HSD17B12: variants seen among roughly 807,000 people sequenced by gnomAD.
HSD17B12 encodes very-long-chain 3-oxoacyl-CoA reductase.
A neutral mutation model predicts 39.3 loss-of-function variants in HSD17B12; 32 were observed. The ratio of observed to expected loss-of-function variants is 0.81; its 90% CI spans 0.61 to 1.09. The LOEUF is 1.09. Among genes scored for constraint, HSD17B12 ranks in the 50% least tolerant of loss-of-function variants. The pLI is 0.00. For synonymous variants in HSD17B12, 150 were observed against 146.7 expected (o/e 1.02, Z -0.16); for missense variants, 342 against 382.9 (o/e 0.89, Z 0.89).
the HSD17B12 span, among the ~76,000 whole-genome samples, chr11:43,577,322 G>A: frequency 6.6e-6 from 1 of 152,310 alleles, no homozygotes; most frequent in East Asian, 1.9e-4. Flanking sequence ...TGACTTCGGT[G>A]AGAGCTTTGG....
At chr11:43,737,245 T>C (rs1390665777) in intron 1 of HSD17B12, among the ~76,000 whole-genome samples, 1 of 152,250 alleles carries the variant, frequency 6.6e-6, no homozygotes, top group African/African-American at 2.4e-5. Context: ...AGTGTTGCTC[T>C]AGTCTATTTT....
At chr11:43,700,154 A>G (rs1326913936) in intron 1 of HSD17B12, among the ~76,000 whole-genome samples, 1 of 152,188 alleles carries the variant, frequency 6.6e-6, no homozygotes, top group Non-Finnish European at 1.5e-5. Flanking sequence ...TCTACCGTGT[A>G]CTTGGCATTG....
chr11:43,576,404 A>C, the HSD17B12 span, among the ~76,000 whole-genome samples: 1 of 152,052 alleles, frequency 6.6e-6, no homozygotes, highest in Non-Finnish European at 1.5e-5. Context: ...TCAGGGTTTG[A>C]TCGTGTTCCA....
At chr11:43,743,950 CA>C (rs775948540) in intron 1 of HSD17B12, among the ~76,000 whole-genome samples, 1 of 152,062 alleles carries the variant, frequency 6.6e-6, no homozygotes, top group Non-Finnish European at 1.5e-5. Flanking sequence ...ATAATAAGAA[CA>C]AGATGCTGTT....
intron 4 of HSD17B12, among the ~76,000 whole-genome samples, chr11:43,804,348 T>G (rs1950999116): frequency 6.6e-6 from 1 of 152,210 alleles, no homozygotes; most frequent in Non-Finnish European, 1.5e-5. Flanking sequence ...ACTGGCTTAG[T>G]GCATTCAGGA....
chr11:43,601,966 T>G, the HSD17B12 span, among the ~76,000 whole-genome samples: 1 of 152,196 alleles, frequency 6.6e-6, no homozygotes, highest in Non-Finnish European at 1.5e-5. Context: ...ATGGATTTCT[T>G]TTGTCAGCTG....
the HSD17B12 span, among the ~76,000 whole-genome samples, chr11:43,583,998 G>A: frequency 6.6e-6 from 1 of 152,068 alleles, no homozygotes; most frequent in Non-Finnish European, 1.5e-5. Context: ...GGGTTTCAGG[G>A]GCCACAGAGT....
the HSD17B12 span, among the ~76,000 whole-genome samples, chr11:43,622,642 T>A: frequency 6.6e-6 from 1 of 152,072 alleles, no homozygotes; most frequent in African/African-American, 2.4e-5. Flanking sequence ...CATTTTTTTT[T>A]AGTTTATTTC....
intron 1 of HSD17B12, among the ~76,000 whole-genome samples, chr11:43,744,139 T>G (rs538835554): frequency 1.2e-4 from 19 of 152,284 alleles, no homozygotes; most frequent in African/African-American, 4.6e-4. Flanking sequence ...GAGAAACTGT[T>G]AAGTCCAAAT....
chr11:43,625,809 T>C, the HSD17B12 span, among the ~76,000 whole-genome samples: 1 of 151,424 alleles, frequency 6.6e-6, no homozygotes, highest in African/African-American at 2.4e-5. Flanking sequence ...ATAGTTAACA[T>C]ATGATACTGT....
chr11:43,594,848 C>T, the HSD17B12 span, among the ~76,000 whole-genome samples: 3 of 151,812 alleles, frequency 2.0e-5, no homozygotes, highest in South Asian at 2.1e-4. Context: ...TTTTTTTTGT[C>T]TTCTTTCTTT....
the HSD17B12 span, among the ~76,000 whole-genome samples, chr11:43,598,814 G>A: frequency 6.6e-6 from 1 of 152,178 alleles, no homozygotes; most frequent in South Asian, 2.1e-4. Flanking sequence ...GGATGAGACA[G>A]GATCACCAGG....
At chr11:43,702,583 G>C (rs1949974907) in intron 1 of HSD17B12, among the ~76,000 whole-genome samples, 1 of 151,938 alleles carries the variant, frequency 6.6e-6, no homozygotes, top group African/African-American at 2.4e-5. Context: ...ATGAATATGT[G>C]GTTTTTATCC....
intron 3 of HSD17B12, among the ~76,000 whole-genome samples, chr11:43,761,737 A>AT (rs1223293484): frequency 2.0e-5 from 3 of 152,236 alleles, no homozygotes; most frequent in African/African-American, 7.2e-5. Flanking sequence ...CCTCTCTAGC[A>AT]TAGCCATATC....
At chr11:43,573,462 G>A in the HSD17B12 span, among the ~76,000 whole-genome samples, 1 of 152,094 alleles carries the variant, frequency 6.6e-6, no homozygotes, top group South Asian at 2.1e-4. Flanking sequence ...CTTCTGGGAG[G>A]GAGGAGCAAA....
chr11:43,619,394 C>CTT, the HSD17B12 span, among the ~76,000 whole-genome samples: 72 of 134,172 alleles, frequency 5.4e-4, no homozygotes, highest in South Asian at 4.2e-3. Flanking sequence ...TTTTTCTTTT[C>CTT]TTTTTTTTTT....
At chr11:43,633,522 A>C in the HSD17B12 span, among the ~76,000 whole-genome samples, 4 of 152,286 alleles carry the variant, frequency 2.6e-5, no homozygotes, top group East Asian at 1.9e-4. Flanking sequence ...ACAGAGTGAG[A>C]CCTTGTCTCA....
Position 43,840,062 on chromosome 11 carries a change from C to T in HSD17B12, c.682C>T (p.Gln228Ter). Residue 228 changes from glutamine to a stop codon, truncating the protein, a stop_gained and splice_region_variant, in exon 9 of 11, where the codon CAG (glutamine) becomes TAG (stop). Coordinates refer to ENST00000278353, the MANE Select transcript of HSD17B12 (RefSeq NM_016142.3). LOFTEE classifies it high-confidence loss of function. The part of the protein sequence containing the change: ...EEYRSKGVFV[Q>*]SVLPYFVATK... ...GTATAGGAGCAAGGGCGTCTTTGTG[C>T]AGGTGAGTGGAGTTTGTTTCACTTA... The T allele has an allele frequency of 1.2e-6, 2 of 1,611,396 alleles. No homozygotes were observed. Among genetic ancestry groups the T allele is most frequent in the Admixed American group, 1.7e-5 (1 of 59,686 alleles).
the HSD17B12 span, among the ~76,000 whole-genome samples, chr11:43,671,420 A>G: frequency 6.6e-6 from 1 of 152,254 alleles, no homozygotes; most frequent in Non-Finnish European, 1.5e-5. Context: ...ACTTCAGGTA[A>G]TCCGCCAATT....
Sources: allele counts gnomAD v4.1 joint callset (sites outside exome capture counted in the v4.1 genomes callset), GRCh38; gene constraint gnomAD v4.1.1; transcripts MANE v1.5; gene names NCBI Gene and HGNC (gene_info 2026-07-23, HGNC 2026-07-21).